The following MCEE variants were observed in gnomAD, a reference collection of about 807,000 sequenced individuals.
MCEE encodes the protein methylmalonyl-CoA epimerase, mitochondrial.
A neutral mutation model predicts 12.9 loss-of-function variants in MCEE; 6 were observed. The observed-to-expected ratio is 0.47, with a 90% CI of 0.26 to 0.92. The LOEUF is 0.92. Among genes scored for constraint, MCEE ranks in the 40% least tolerant of loss-of-function variants. MCEE has a pLI of 0.16. For synonymous variants in MCEE, 78 were observed against 77.9 expected (o/e 1.00, Z -0.01); for missense variants, 214 against 212.1 (o/e 1.01, Z -0.05).
chr2:71,129,829 T>C, intron 1 of MCEE: 1 of 410,392 alleles, frequency 2.4e-6, no homozygotes, highest in Non-Finnish European at 4.6e-6. Context: ...TCTTTATTGG[T>C]GCGCGGTAAA....
At chr2:71,127,637 TG>T (rs1161318196) in intron 1 of MCEE, among the ~76,000 whole-genome samples, 5 of 152,218 alleles carry the variant, frequency 3.3e-5, no homozygotes, top group African/African-American at 1.2e-4. Context: ...TAAGTTTGTT[TG>T]TTTTTTTGAA....
At chr2:71,126,442 G>A (rs1673233787) in intron 1 of MCEE, among the ~76,000 whole-genome samples, 1 of 151,924 alleles carries the variant, frequency 6.6e-6, no homozygotes, top group Non-Finnish European at 1.5e-5. Context: ...TGGCCAGGCT[G>A]GTCTCGAACT....
chr2:71,130,127 C>T, intron 1 of MCEE, 53 bp downstream of exon 1: 1 of 1,580,318 alleles, frequency 6.3e-7, no homozygotes, highest in Non-Finnish European at 8.6e-7. Context: ...CCCCCGACCG[C>T]CGTTCCCACG....
In MCEE at chr2:71,128,612, C is replaced by G. The variant is rs187675585; in HGVS notation, c.40+1568G>C. 7.3e-3 allele frequency among the ~76,000 whole-genome samples: 1,108 copies of G among 152,110 alleles called. 13 individuals are homozygous for G. Among genetic ancestry groups the G allele is most frequent in the Non-Finnish European group, 0.011 (725 of 67,992 alleles). ...TGGCGCGATCTTGGCTCACGCCAAC[C>G]TCCGCCTCCCGGGTTCAAGCGATTA... On this transcript the variant is annotated intron_variant, in intron 1 of 2. Coordinates refer to ENST00000244217, the MANE Select transcript of MCEE (RefSeq NM_032601.4).
At chr2:71,128,324 A>G (rs1673282502) in intron 1 of MCEE, among the ~76,000 whole-genome samples, 1 of 152,202 alleles carries the variant, frequency 6.6e-6, no homozygotes, top group African/African-American at 2.4e-5. Flanking sequence ...GCCATAACAT[A>G]GAATTACCAT....
intron 2 of MCEE, among the ~76,000 whole-genome samples, chr2:71,111,550 T>G (rs1269010789): frequency 6.6e-6 from 1 of 152,204 alleles, no homozygotes; most frequent in Non-Finnish European, 1.5e-5. Context: ...CACCTCTGTG[T>G]GTGGATTATT....
At position 71,110,017 on chromosome 2, in the gene MCEE, G is replaced by A. The variant is rs1485708584; in HGVS notation, c.484C>T (p.His162Tyr). 2.5e-6 allele frequency: 4 copies of A among 1,613,566 alleles called. No individual in the cohort carries two copies. Among genetic ancestry groups the A allele is most frequent in the Non-Finnish European group, 3.4e-6 (4 of 1,179,804 alleles). Residue 162 changes from histidine (H) to tyrosine (Y), a missense_variant, in exon 3 of 3, where the codon CAT (histidine) becomes TAT (tyrosine). Coordinates refer to ENST00000244217, the MANE Select transcript of MCEE (RefSeq NM_032601.4). ...GAHGKPVIFL[H>Y]PKDCGGVLVE... ...AGGACTCCACCACAGTCTTTAGGATGGAGAAAAATCACTGGTTTTCCATGT... is the reference window on the plus strand; with the variant it reads ...AGGACTCCACCACAGTCTTTAGGATAGAGAAAAATCACTGGTTTTCCATGT...
chr2:71,124,121 C>A, intron 2 of MCEE, 85 bp downstream of exon 2: 1 of 999,660 alleles, frequency 1.0e-6, no homozygotes, highest in Non-Finnish European at 1.5e-6. Context: ...TTTCTAATGA[C>A]AGTGACCATA....
chr2:71,110,245 C>T (rs1672861002), intron 2 of MCEE, 123 bp from the exon 3 acceptor site: 1 of 791,184 alleles, frequency 1.3e-6, no homozygotes, highest in African/African-American at 1.8e-5. Flanking sequence ...GTGGGCAGGA[C>T]CATTCTTAAA....
chr2:71,121,860 G>C (rs1327294624), intron 2 of MCEE, among the ~76,000 whole-genome samples: 2 of 152,126 alleles, frequency 1.3e-5, no homozygotes, highest in African/African-American at 4.8e-5. Flanking sequence ...AGGTCTTATA[G>C]CTTCCCCACC....
At chr2:71,125,497 G>A (rs890379664) in intron 1 of MCEE, among the ~76,000 whole-genome samples, 7 of 148,200 alleles carry the variant, frequency 4.7e-5, no homozygotes, top group Non-Finnish European at 9.0e-5. Flanking sequence ...GTGAGCCACT[G>A]TGCCCACCCT....
chr2:71,124,237 T>C lies in MCEE; in HGVS notation c.347A>G (p.Lys116Arg). The C allele has an allele frequency of 6.2e-7, 1 of 1,614,042 alleles. No individual in the cohort carries two copies. The highest frequency in any genetic ancestry group is 8.5e-7 in the Non-Finnish European group (1 of 1,179,878). The part of the protein sequence containing the change: ...SPIAGFLQKN[K>R]AGGMHHICIE... ...GCAGATGTGATGCATTCCTCCAGCC[T>C]TGTTTTTCTGCAGAAAACCTGCAAT... is the stretch of plus-strand genomic sequence containing the variant. Residue 116 changes from lysine (K) to arginine (R), a missense_variant, in exon 2 of 3, where the codon AAG becomes AGG. Physicochemically the swap from Lys to Arg is conservative, Grantham distance 26. Transcript: ENST00000244217.
chr2:71,115,267 G>T (rs1672968104), intron 2 of MCEE, among the ~76,000 whole-genome samples: 1 of 152,180 alleles, frequency 6.6e-6, no homozygotes. Context: ...CACACCTGTA[G>T]TCTTAGCTAC....
intron 1 of MCEE, among the ~76,000 whole-genome samples, chr2:71,127,661 CTGT>C (rs946764985): frequency 6.6e-6 from 1 of 152,226 alleles, no homozygotes; most frequent in African/African-American, 2.4e-5. Context: ...GAGTCTGGCT[CTGT>C]AGCCCAGGCT....
intron 2 of MCEE, 120 bp from the exon 3 acceptor site, chr2:71,110,242 G>GA: frequency 1.3e-6 from 1 of 797,070 alleles, no homozygotes; most frequent in Non-Finnish European, 2.0e-6. Context: ...CCTGTGGGCA[G>GA]GACCATTCTT....
rs1234923437 is a variant in MCEE, at chr2:71,112,589, C to A, written c.379-2467G>T. ...TAGCTAGGATTATAGGCATGTGCCA[C>A]CATGCCTGGCTAATTTTTGTATTTT... On this transcript the variant is annotated intron_variant, in intron 2 of 2. Coordinates refer to ENST00000244217, the MANE Select transcript of MCEE (RefSeq NM_032601.4). 2.0e-5 allele frequency among the ~76,000 whole-genome samples: 3 copies of A among 151,910 alleles called. No homozygotes were observed. In the East Asian group the frequency reaches 5.8e-4, roughly 29 times the overall value.
chr2:71,124,789 A>G (rs1673183369), intron 1 of MCEE, among the ~76,000 whole-genome samples: 1 of 152,198 alleles, frequency 6.6e-6, no homozygotes, highest in Admixed American at 6.5e-5. Context: ...TTTAAAACAC[A>G]GGATAACATT....
At chr2:71,115,159 G>A (rs1672966309) in intron 2 of MCEE, among the ~76,000 whole-genome samples, 1 of 152,210 alleles carries the variant, frequency 6.6e-6, no homozygotes, top group Non-Finnish European at 1.5e-5. Context: ...GTGGGGCCAA[G>A]GTGGGAGGAT....
chr2:71,110,191 T>G, intron 2 of MCEE, 69 bp from the exon 3 acceptor site: 2 of 1,462,798 alleles, frequency 1.4e-6, no homozygotes, highest in South Asian at 2.3e-5. Context: ...ATCATAAGAC[T>G]TAGAAAAAAC....
Sources: gnomAD v4.1 joint callset for allele counts (sites outside exome capture counted in the v4.1 genomes callset) on GRCh38, gnomAD v4.1.1 for gene constraint, MANE v1.5 for transcripts, NCBI Gene and HGNC (gene_info 2026-07-23, HGNC 2026-07-21) for gene names.